Variants in CAND1 observed in about 807,000 individuals in gnomAD.
The protein encoded by CAND1 is cullin-associated NEDD8-dissociated protein 1.
In CAND1, 7 loss-of-function variants were observed where a neutral mutation model predicts 108.5. The observed-to-expected ratio is 0.06, with a 90% CI of 0.04 to 0.12. The LOEUF (loss-of-function observed/expected upper bound fraction) is 0.12, where lower values mean the gene tolerates loss of function less well. CAND1 is among the 10% of genes least tolerant of loss of function. The pLI is 1.00. For missense variants in CAND1, 941 were observed against 1,448.7 expected (o/e 0.65, Z 5.69); for synonymous variants, 534 against 512.0 (o/e 1.04, Z -0.58).
chr12:67,308,745 G>T (rs755223037), intron 11 of CAND1, among the ~76,000 whole-genome samples: 1 of 151,914 alleles, frequency 6.6e-6, no homozygotes, highest in Non-Finnish European at 1.5e-5. Flanking sequence ...TACCAGTTTA[G>T]TATGCAAATA....
intron 3 of CAND1, among the ~76,000 whole-genome samples, chr12:67,293,514 G>T (rs2044740606): frequency 6.6e-6 from 1 of 152,226 alleles, no homozygotes; most frequent in Non-Finnish European, 1.5e-5. Flanking sequence ...AGCACTTTGG[G>T]AGGCCAAGGC....
At chr12:67,303,593 T>C (rs1421713081) in intron 8 of CAND1, among the ~76,000 whole-genome samples, 1 of 152,210 alleles carries the variant, frequency 6.6e-6, no homozygotes, top group African/African-American at 2.4e-5. Flanking sequence ...AGGGTATGTG[T>C]CCATGTAGTT....
At position 67,305,067 on chromosome 12, in the gene CAND1, T is replaced by C; in HGVS notation, c.1436-37T>C. On this transcript the variant is annotated intron_variant, in intron 9 of 14. Transcript: ENST00000545606. This position sits in a 1 kb window ranked among gnomAD's most constrained non-coding sequence, Gnocchi z 4.4. The stretch of plus-strand genomic sequence containing the variant: ...TTTTAATTTTTCTTTCTTAAAAGTC[T>C]GCACAGCAATGATTGGATTTTTTGT... The C allele has an allele frequency of 1.3e-6, 2 of 1,551,662 alleles. No homozygotes were observed. Among genetic ancestry groups the C allele is most frequent in the Non-Finnish European group, 1.7e-6 (2 of 1,145,734 alleles).
At position 67,285,339 on chromosome 12, in the gene CAND1, GT is replaced by G. The variant is rs35848954; in HGVS notation, c.212+3291del. 1.3e-3 allele frequency among the ~76,000 whole-genome samples: 193 copies of G among 152,292 alleles called. 3 individuals are homozygous for G. The highest frequency in any genetic ancestry group is 4.3e-3 in the African/African-American group (180 of 41,562). ...GGATGGGATAACTCCACATCATAAA[GT>G]TTTTGGTTCTCTTCAGGTTACTTTT... On this transcript the variant is annotated intron_variant, in intron 2 of 14. Coordinates refer to ENST00000545606, the MANE Select transcript of CAND1 (RefSeq NM_018448.5).
chr12:67,269,862 C>T (rs1482880884), intron 1 of CAND1, 77 bp downstream of exon 1: 2 of 1,289,880 alleles, frequency 1.6e-6, no homozygotes, highest in Non-Finnish European at 2.2e-6. Flanking sequence ...AGGCCTTGCC[C>T]CACCCCTTCG....
At chr12:67,302,026 A>C (rs2044829606) in intron 7 of CAND1, among the ~76,000 whole-genome samples, 2 of 152,210 alleles carry the variant, frequency 1.3e-5, no homozygotes, top group Non-Finnish European at 2.9e-5. Context: ...TGAATGTGTT[A>C]ATTGATGATT....
intron 7 of CAND1, among the ~76,000 whole-genome samples, chr12:67,301,449 A>T (rs2044823958): frequency 1.3e-5 from 2 of 152,172 alleles, no homozygotes; most frequent in Non-Finnish European, 2.9e-5. Context: ...TATCATGATA[A>T]CTGCTAATAT....
chr12:67,289,181 T>C (rs2136002002), intron 2 of CAND1, among the ~76,000 whole-genome samples: 1 of 152,242 alleles, frequency 6.6e-6, no homozygotes, highest in South Asian at 2.1e-4. Flanking sequence ...ATTTTTTATT[T>C]TTAGTTTTTT....
intron 2 of CAND1, among the ~76,000 whole-genome samples, chr12:67,287,857 A>ATTTTTTTTTTTTTTTTTT (rs34177330): frequency 8.9e-6 from 1 of 112,590 alleles, no homozygotes; most frequent in Non-Finnish European, 1.8e-5. Context: ...TTTTGATGTG[A>ATTTTTTTTTTTTTTTTTT]TTTTTTTTTT....
chr12:67,302,549 A>G lies in CAND1; in HGVS notation c.1227A>G (p.Gln409=). 1 of 1,614,156 alleles carries G rather than the reference A, an allele frequency of 6.2e-7. No individual in the cohort carries two copies. Among genetic ancestry groups the G allele is most frequent in the Non-Finnish European group, 8.5e-7 (1 of 1,179,982 alleles). The change falls in exon 8 of 15, where the codon CAA becomes CAG. Residue 409 remains glutamine, a synonymous_variant. Coordinates refer to ENST00000545606, the MANE Select transcript of CAND1 (RefSeq NM_018448.5). The part of the protein sequence containing the change: ...LSLLKQTRPV[Q]SWLCDPDAME... ...TTTTGAAGCAAACTCGTCCTGTACAAAGTTGGCTATGTGACCCTGATGCAA... is the reference window on the plus strand; with the variant it reads ...TTTTGAAGCAAACTCGTCCTGTACAGAGTTGGCTATGTGACCCTGATGCAA...
intron 1 of CAND1, among the ~76,000 whole-genome samples, chr12:67,273,220 C>G (rs951553275): frequency 2.0e-5 from 3 of 152,176 alleles, no homozygotes; most frequent in Non-Finnish European, 4.4e-5. Flanking sequence ...CTCATCACTT[C>G]CTCCCTAAAA....
intron 2 of CAND1, among the ~76,000 whole-genome samples, chr12:67,285,100 A>G (rs1361055180): frequency 1.3e-5 from 2 of 152,212 alleles, no homozygotes; most frequent in Non-Finnish European, 2.9e-5. Flanking sequence ...AGAAGATACA[A>G]TAGAAAGGAA....
At chr12:67,280,179 G>A (rs2044606778) in intron 1 of CAND1, among the ~76,000 whole-genome samples, 1 of 152,126 alleles carries the variant, frequency 6.6e-6, no homozygotes, top group South Asian at 2.1e-4. Context: ...TTAAAAATAA[G>A]CAGTTTTACA....
At chr12:67,306,623 A>G in intron 10 of CAND1, 26 bp downstream of exon 10, 1 of 1,536,668 alleles carries the variant, frequency 6.5e-7, no homozygotes, top group Non-Finnish European at 8.7e-7. Context: ...TTCTTACTTA[A>G]AAAGTTTTTT....
chr12:67,304,864 T>A, intron 9 of CAND1, 118 bp downstream of exon 9: 1 of 1,202,580 alleles, frequency 8.3e-7, no homozygotes. Flanking sequence ...AATATGCACA[T>A]AGAGCTAACT....
At position 67,319,706 on chromosome 12, in the gene CAND1, C is replaced by G. The variant is rs1190831810; in HGVS notation, c.*6876C>G. 1 of 152,188 alleles carries G rather than the reference C, an allele frequency of 6.6e-6. No homozygotes were observed. The highest frequency in any genetic ancestry group is 2.4e-5 in the African/African-American group (1 of 41,432). The allele number at this position is 152,188 out of a possible 1,614,324, so 9.4% of individuals were successfully genotyped here. On this transcript the variant is annotated 3_prime_UTR_variant, in exon 15 of 15. Transcript: ENST00000545606. ...CAAACTGAATACTGCCAACGTAGTT[C>G]CAGTTTCTGTATCTAAAGACTCAGC...
rs1355898510 is a variant in CAND1 at position 67,307,511 on chromosome 12, A to T, written c.3025+19A>T. 3 of 1,518,036 alleles carry T rather than the reference A, an allele frequency of 2.0e-6. No homozygotes were observed. In the East Asian group the frequency reaches 6.8e-5, roughly 34 times the overall value. The allele number at this position is 1,518,036 out of a possible 1,614,324, so 94.0% of individuals were successfully genotyped here. On this transcript the variant is annotated intron_variant, in intron 11 of 14. Transcript: ENST00000545606. ...TGCATAGGTAAGTGGAAACAAAGAT[A>T]AACATACTGATTTTTGGACTTTAGA...
chr12:67,300,275 G>T (rs902167313), intron 7 of CAND1, among the ~76,000 whole-genome samples: 1 of 50,332 alleles, frequency 2.0e-5, no homozygotes, highest in Non-Finnish European at 3.8e-5. Context: ...CTCAGTCCTT[G>T]AACTTAACCT....
At chr12:67,275,532 A>G (rs1049083195) in intron 1 of CAND1, among the ~76,000 whole-genome samples, 2 of 152,136 alleles carry the variant, frequency 1.3e-5, no homozygotes, top group Non-Finnish European at 2.9e-5. Flanking sequence ...TCAAAAAGAA[A>G]AAAAAAAAAA....
Sources: allele counts gnomAD v4.1 joint callset (sites outside exome capture counted in the v4.1 genomes callset), GRCh38; gene constraint gnomAD v4.1.1; non-coding constraint Gnocchi (gnomAD v3.1); transcripts MANE v1.5; gene names NCBI Gene and HGNC (gene_info 2026-07-23, HGNC 2026-07-21).